Variants in ATG16L1 observed in about 807,000 individuals in gnomAD.
ATG16L1 encodes the protein autophagy related 16 like 1, also known as autophagy-related protein 16-1.
A neutral mutation model predicts 88.5 loss-of-function variants in ATG16L1; 37 were observed. The observed-to-expected ratio is 0.42, with a 90% CI of 0.32 to 0.55. ATG16L1 has a LOEUF of 0.55. ATG16L1 is among the 20% of genes least tolerant of loss of function. The pLI is 0.13. For synonymous variants in ATG16L1, 301 were observed against 281.0 expected, an observed-to-expected ratio of 1.07 and a Z score of -0.71; for missense variants, 554 against 752.8, an observed-to-expected ratio of 0.74 and a Z score of 3.09.
intron 5 of ATG16L1, among the ~76,000 whole-genome samples, chr2:233,267,390 C>G (rs1430050243): frequency 6.6e-6 from 1 of 152,204 alleles, no homozygotes; most frequent in South Asian, 2.1e-4. Context: ...TGGAAAATGC[C>G]TAAAATTAAT....
intron 10 of ATG16L1, 34 bp downstream of exon 10, chr2:233,277,707 C>T (rs117570515): frequency 8.7e-5 from 138 of 1,585,004 alleles, no homozygotes; most frequent in South Asian, 8.4e-4. Flanking sequence ...AGACTGAAAA[C>T]TTGAGATGAT....
chr2:233,258,838 A>G (rs754888008), intron 2 of ATG16L1, among the ~76,000 whole-genome samples: 39 of 152,142 alleles, frequency 2.6e-4, no homozygotes, highest in Admixed American at 3.9e-4. Flanking sequence ...CTGGGAGACT[A>G]TAGGTGTGCA....
intron 2 of ATG16L1, among the ~76,000 whole-genome samples, chr2:233,257,362 G>A (rs1367712614): frequency 6.6e-6 from 1 of 152,192 alleles, no homozygotes; most frequent in African/African-American, 2.4e-5. Flanking sequence ...TAATGGTGCA[G>A]AAGCGATACA....
Position 233,294,355 on chromosome 2 carries a change from G to A in ATG16L1, c.*5G>A, listed in dbSNP as rs763471527. The A allele has an allele frequency of 3.1e-6, 5 of 1,612,558 alleles. No individual in the cohort carries two copies. The African/African-American group carries it at 5.3e-5, about 17-fold the overall frequency. On this transcript the variant is annotated 3_prime_UTR_variant, in exon 18 of 18. Transcript: ENST00000392017. ...GTGCTGTGGGCACAGTACTGACGGGGCTCTCAGGGCTGGGAGGACCCCAGT... is the reference window on the plus strand; with the variant it reads ...GTGCTGTGGGCACAGTACTGACGGGACTCTCAGGGCTGGGAGGACCCCAGT...
intron 9 of ATG16L1, chr2:233,275,528 T>G: frequency 2.8e-6 from 1 of 351,494 alleles, no homozygotes; most frequent in East Asian, 7.4e-5. Flanking sequence ...TGGGATGGAA[T>G]TTATATGGTG....
At chr2:233,266,223 G>A (rs1018195131) in intron 5 of ATG16L1, 5 of 151,664 alleles carry the variant, frequency 3.3e-5, no homozygotes, top group Non-Finnish European at 5.9e-5. Flanking sequence ...AGGCGGAGGC[G>A]GAGGCGGGAG....
intron 12 of ATG16L1, among the ~76,000 whole-genome samples, chr2:233,287,418 G>A (rs1699158749): frequency 6.6e-6 from 1 of 152,156 alleles, no homozygotes; most frequent in African/African-American, 2.4e-5. Flanking sequence ...TGTCAAGACT[G>A]GCCCCATCAT....
chr2:233,262,991 G>A lies in ATG16L1; in HGVS notation c.210-139G>A, dbSNP rs374688201. 324 of 724,980 alleles carry A rather than the reference G, an allele frequency of 4.5e-4. 1 individual carries two copies. The highest frequency in any genetic ancestry group is 6.6e-4 in the Non-Finnish European group (279 of 423,474). The allele number at this position is 724,980 out of a possible 1,614,324, so 44.9% of individuals were successfully genotyped here. On this transcript the variant is annotated intron_variant, in intron 2 of 17. Transcript: ENST00000392017. Reference sequence around the variant, plus strand: ...AGTGCCTGTAACCGCAGCTGCTGGAGACACCCGAATGGTTTATTGGCTTTG... The same window carrying A: ...AGTGCCTGTAACCGCAGCTGCTGGAAACACCCGAATGGTTTATTGGCTTTG...
At position 233,295,619 on chromosome 2, in the gene ATG16L1, C is replaced by T. The variant is rs192068967; in HGVS notation, c.*1269C>T. 13 of 152,776 alleles carry T rather than the reference C, an allele frequency of 8.5e-5. No individual in the cohort carries two copies. The East Asian group carries it at 2.4e-3, about 29-fold the overall frequency. 9.5% of individuals were successfully genotyped at this position (152,776 alleles called of 1,614,324 possible). ...TTATTTATTTCATTATGTTGGCCAA[C>T]AGAACTTGATTGTAAATAATAATAA... On this transcript the variant is annotated 3_prime_UTR_variant, in exon 18 of 18. Transcript: ENST00000392017.
chr2:233,262,989 G>A lies in ATG16L1; in HGVS notation c.210-141G>A, dbSNP rs1040656068. The A allele has an allele frequency of 8.4e-6, 6 of 717,954 alleles. No individual in the cohort carries two copies. In the Admixed American group the frequency reaches 1.4e-4, roughly 17 times the overall value. The allele number at this position is 717,954 out of a possible 1,614,324, so 44.5% of individuals were successfully genotyped here. On this transcript the variant is annotated intron_variant, in intron 2 of 17. Transcript: ENST00000392017. Reference sequence around the variant, plus strand: ...ATAGTGCCTGTAACCGCAGCTGCTGGAGACACCCGAATGGTTTATTGGCTT... The same window carrying A: ...ATAGTGCCTGTAACCGCAGCTGCTGAAGACACCCGAATGGTTTATTGGCTT...
intron 11 of ATG16L1, 84 bp from the exon 12 acceptor site, chr2:233,282,598 T>G: frequency 8.0e-7 from 1 of 1,242,920 alleles, no homozygotes; most frequent in South Asian, 1.2e-5. Flanking sequence ...CTTCTTGTAC[T>G]TGATTATTGG....
At chr2:233,283,705 T>G (rs1698880382) in intron 12 of ATG16L1, among the ~76,000 whole-genome samples, 1 of 149,814 alleles carries the variant, frequency 6.7e-6, no homozygotes, top group Non-Finnish European at 1.5e-5. Flanking sequence ...CATGGCTAAT[T>G]TTTATATTTT....
At chr2:233,270,134 T>A (rs2125240136) in intron 6 of ATG16L1, 67 bp downstream of exon 6, 1 of 1,478,156 alleles carries the variant, frequency 6.8e-7, no homozygotes, top group East Asian at 2.4e-5. Flanking sequence ...GTTTTGTTTT[T>A]ATTTTTTTTT....
chr2:233,253,597 C>G (rs1696566092), intron 1 of ATG16L1, among the ~76,000 whole-genome samples: 1 of 152,118 alleles, frequency 6.6e-6, no homozygotes, highest in South Asian at 2.1e-4. Flanking sequence ...GTACCTGCCT[C>G]AGCCACCCAA....
rs1229034511 is a variant in ATG16L1 at position 233,264,914 on chromosome 2, A to G, written c.412A>G (p.Ile138Val). ...EAKIAECLQT[I>V]SDLETECLDL... ...CAGAATTGCAGAATGTTTGCAGACT[A>G]TCTCTGACCTGGAGACGGAGTGCCT... Residue 138 changes from isoleucine to valine, a missense_variant, in exon 5 of 18, where the codon ATC (isoleucine) becomes GTC (valine). Coordinates refer to ENST00000392017, the MANE Select transcript of ATG16L1 (RefSeq NM_030803.7). 2 of 1,614,006 alleles carry G rather than the reference A, an allele frequency of 1.2e-6. No homozygotes were observed. Among genetic ancestry groups the G allele is most frequent in the Non-Finnish European group, 1.7e-6 (2 of 1,179,880 alleles).
chr2:233,258,635 T>G (rs1289961411), intron 2 of ATG16L1, among the ~76,000 whole-genome samples: 1 of 152,240 alleles, frequency 6.6e-6, no homozygotes, highest in Non-Finnish European at 1.5e-5. Flanking sequence ...ATTCTTGTAT[T>G]CTTTATCTGT....
Position 233,264,944 on chromosome 2 carries a change from C to G in ATG16L1, c.442C>G (p.Leu148Val), listed in dbSNP as rs772982075. ...ISDLETECLDLRTKLCDLERA... is the reference protein window; with the variant it reads ...ISDLETECLDVRTKLCDLERA... ...TGACCTGGAGACGGAGTGCCTAGAC[C>G]TGCGCACTAAGCTTTGTGACCTTGA... The change falls in exon 5 of 18, where the codon CTG (leucine) becomes GTG (valine). Residue 148 changes from leucine (L) to valine (V), a missense_variant. Transcript: ENST00000392017. The G allele has an allele frequency of 8.7e-6, 14 of 1,613,936 alleles. No individual in the cohort carries two copies. In the South Asian group the frequency reaches 1.1e-4, roughly 13 times the overall value.
At chr2:233,282,318 G>T (rs992391491) in intron 11 of ATG16L1, among the ~76,000 whole-genome samples, 1 of 152,176 alleles carries the variant, frequency 6.6e-6, no homozygotes, top group East Asian at 1.9e-4. Context: ...AGTTCTCAGA[G>T]TGAGAGTTGG....
chr2:233,263,163 G>C lies in ATG16L1; in HGVS notation c.243G>C (p.Gln81His), dbSNP rs776269085. The change falls in exon 3 of 18, where the codon CAG becomes CAC. Residue 81 changes from glutamine (Q) to histidine (H), a missense_variant. By Grantham distance (24) the Gln-to-His change is conservative. Coordinates refer to ENST00000392017, the MANE Select transcript of ATG16L1 (RefSeq NM_030803.7). ...ATGATGGCACATGGAATGACAATCA[G>C]CTACAAGAAATGGCCCAACTGAGGA... The part of the protein sequence containing the change: ...PGHDGTWNDN[Q>H]LQEMAQLRIK... 3 of 1,613,980 alleles carry C rather than the reference G, an allele frequency of 1.9e-6. No individual in the cohort carries two copies. Among genetic ancestry groups the C allele is most frequent in the East Asian group, 4.5e-5 (2 of 44,890 alleles).
Sources: allele counts gnomAD v4.1 joint callset (sites outside exome capture counted in the v4.1 genomes callset), GRCh38; gene constraint gnomAD v4.1.1; transcripts MANE v1.5; gene names NCBI Gene and HGNC (gene_info 2026-07-23, HGNC 2026-07-21).